The following ITGBL1 variants were observed in gnomAD, a reference collection of about 807,000 sequenced individuals.
The protein encoded by ITGBL1 is integrin subunit beta like 1.
ITGBL1 carries 51 observed loss-of-function variants against 68.5 expected under a neutral mutation model. The ratio of observed to expected loss-of-function variants is 0.74; its 90% confidence interval spans 0.59 to 0.94. ITGBL1 has a LOEUF of 0.94. ITGBL1 is among the 40% of genes least tolerant of loss of function. The pLI is 0.00. For missense variants in ITGBL1, 649 were observed against 647.4 expected (o/e 1.00, Z -0.03); for synonymous variants, 209 against 227.3 (o/e 0.92, Z 0.72).
At chr13:101,561,671 C>T (rs953745431) in intron 2 of ITGBL1, among the ~76,000 whole-genome samples, 9 of 151,968 alleles carry the variant, frequency 5.9e-5, no homozygotes, top group Non-Finnish European at 1.0e-4. Context: ...ACCATGCAAG[C>T]GTGGGGAAAA....
At chr13:101,494,500 T>C (rs2048826891) in intron 2 of ITGBL1, among the ~76,000 whole-genome samples, 2 of 152,218 alleles carry the variant, frequency 1.3e-5, no homozygotes, top group African/African-American at 4.8e-5. Context: ...TACATATGCT[T>C]CATACGCACT....
chr13:101,655,364 C>T lies in ITGBL1; in HGVS notation c.1016-37221C>T, dbSNP rs542011998. 1.3e-3 allele frequency among the ~76,000 whole-genome samples: 197 copies of T among 150,972 alleles called. 2 individuals are homozygous for T. Among genetic ancestry groups the T allele is most frequent in the Middle Eastern group, 0.01 (3 of 294 alleles). On this transcript the variant is annotated intron_variant, in intron 7 of 10. Coordinates refer to ENST00000376180, the MANE Select transcript of ITGBL1 (RefSeq NM_004791.3). ...ACATGCACATTTAAATGTACTGAAA[C>T]GCAAGGTGATAGACAAGAAAAATTT...
At chr13:101,520,411 G>GT (rs975736541) in intron 2 of ITGBL1, among the ~76,000 whole-genome samples, 12 of 152,064 alleles carry the variant, frequency 7.9e-5, no homozygotes, top group Non-Finnish European at 1.8e-4. Flanking sequence ...TTCAGGCCCA[G>GT]TTTTTTAAAT....
At position 101,684,954 on chromosome 13, in the gene ITGBL1, CG is replaced by C. The variant is rs2033722836; in HGVS notation, c.1016-7630del. Among the ~76,000 whole-genome samples the C allele has an allele frequency of 3.3e-5, 5 of 152,000 alleles. No homozygotes were observed. In the South Asian group the frequency reaches 1.0e-3, roughly 32 times the overall value. On this transcript the variant is annotated intron_variant, in intron 7 of 10. Coordinates refer to ENST00000376180, the MANE Select transcript of ITGBL1 (RefSeq NM_004791.3). ...TGGTTGAATAATATAAAATTGATGA[CG>C]TCTGACTATTTTTGACTTATAAAAA...
intron 6 of ITGBL1, among the ~76,000 whole-genome samples, chr13:101,596,295 G>A (rs994693230): frequency 2.2e-4 from 34 of 152,282 alleles, no homozygotes; most frequent in African/African-American, 8.2e-4. Context: ...TAGGAGAAAT[G>A]GGGAGACTTT....
intron 2 of ITGBL1, among the ~76,000 whole-genome samples, chr13:101,465,330 A>G (rs2139631190): frequency 6.6e-6 from 1 of 152,290 alleles, no homozygotes; most frequent in East Asian, 1.9e-4. Context: ...GGAGACAAAA[A>G]TCACTCAGGA....
intron 7 of ITGBL1, among the ~76,000 whole-genome samples, chr13:101,676,996 T>A (rs1032203094): frequency 6.6e-6 from 1 of 152,066 alleles, no homozygotes; most frequent in African/African-American, 2.4e-5. Flanking sequence ...TGGTGGCACA[T>A]GCCTGTAATC....
intron 7 of ITGBL1, among the ~76,000 whole-genome samples, chr13:101,633,093 A>G (rs1225233607): frequency 6.6e-6 from 1 of 152,192 alleles, no homozygotes; most frequent in Non-Finnish European, 1.5e-5. Flanking sequence ...TGGAATTGGA[A>G]GGGCTGAAAA....
intron 7 of ITGBL1, among the ~76,000 whole-genome samples, chr13:101,674,111 A>G (rs1311444909): frequency 1.3e-5 from 2 of 152,192 alleles, no homozygotes; most frequent in Non-Finnish European, 2.9e-5. Context: ...TTCATGCACA[A>G]TTGCCTGATA....
intron 2 of ITGBL1, among the ~76,000 whole-genome samples, chr13:101,560,536 A>G (rs142663438): frequency 0.012 from 1,754 of 152,318 alleles, 37 homozygotes; most frequent in African/African-American, 0.04. Flanking sequence ...AGATTTTTAA[A>G]TTTGTTTTTT....
At chr13:101,604,887 T>TATACACACATACACAC in intron 7 of ITGBL1, among the ~76,000 whole-genome samples, 1 of 22,164 alleles carries the variant, frequency 4.5e-5, no homozygotes, top group African/African-American at 1.5e-4. Context: ...TATATATATA[T>TATACACACATACACAC]ACACACACAC....
intron 8 of ITGBL1, among the ~76,000 whole-genome samples, chr13:101,693,911 C>T (rs763920899): frequency 3.3e-5 from 5 of 152,252 alleles, no homozygotes; most frequent in African/African-American, 7.2e-5. Context: ...ACATGCTTAG[C>T]GTCCCAATAA....
chr13:101,665,540 A>G (rs2033194155), intron 7 of ITGBL1, among the ~76,000 whole-genome samples: 3 of 152,136 alleles, frequency 2.0e-5, no homozygotes, highest in Admixed American at 2.0e-4. Context: ...TTCTACCTAT[A>G]TAATCATGTC....
intron 3 of ITGBL1, among the ~76,000 whole-genome samples, 181 bp from the exon 4 acceptor site, chr13:101,575,243 T>C (rs1856381970): frequency 6.6e-6 from 1 of 152,190 alleles, no homozygotes; most frequent in African/African-American, 2.4e-5. Context: ...ATAATTGCCA[T>C]GCTAAAATAA....
intron 7 of ITGBL1, among the ~76,000 whole-genome samples, chr13:101,664,838 A>T (rs2139486491): frequency 6.6e-6 from 1 of 152,284 alleles, no homozygotes; most frequent in East Asian, 1.9e-4. Context: ...GGTTAAAGTG[A>T]TTCTCCTGCT....
intron 2 of ITGBL1, among the ~76,000 whole-genome samples, chr13:101,558,689 A>G (rs2050051481): frequency 6.6e-6 from 1 of 152,218 alleles, no homozygotes; most frequent in Non-Finnish European, 1.5e-5. Context: ...GCAGAGGAAG[A>G]TAATTCCGAT....
intron 2 of ITGBL1, among the ~76,000 whole-genome samples, chr13:101,474,730 G>C (rs934013447): frequency 6.6e-6 from 1 of 152,140 alleles, no homozygotes; most frequent in Non-Finnish European, 1.5e-5. Context: ...TGTGAAAAGA[G>C]AGACTACATT....
intron 7 of ITGBL1, among the ~76,000 whole-genome samples, chr13:101,664,009 A>G (rs1386748937): frequency 6.6e-6 from 1 of 152,196 alleles, no homozygotes; most frequent in Admixed American, 6.5e-5. Context: ...GGAGGTCAGC[A>G]GATATAAAGT....
chr13:101,483,057 G>A (rs769476557), intron 2 of ITGBL1, among the ~76,000 whole-genome samples: 2 of 152,124 alleles, frequency 1.3e-5, no homozygotes, highest in Non-Finnish European at 1.5e-5. Flanking sequence ...ATCAACTTAC[G>A]GTTCAAAGGA....
Sources: allele counts gnomAD v4.1 joint callset (sites outside exome capture counted in the v4.1 genomes callset), GRCh38; gene constraint gnomAD v4.1.1; transcripts MANE v1.5; gene names NCBI Gene and HGNC (gene_info 2026-07-23, HGNC 2026-07-21).